PCDH15: variants seen among roughly 807,000 people sequenced by gnomAD.
PCDH15 encodes the protein protocadherin-15.
Under a neutral mutation model 178.5 loss-of-function variants are expected in PCDH15, and 129 were observed. The ratio of observed to expected loss-of-function variants is 0.72; its 90% confidence interval spans 0.63 to 0.84. The LOEUF (loss-of-function observed/expected upper bound fraction) is 0.84. PCDH15 is among the 40% of genes least tolerant of loss of function. PCDH15 has a pLI of 0.00. For missense variants in PCDH15, 2,230 were observed against 2,099.9 expected, an observed-to-expected ratio of 1.06 and a Z score of -1.21; for synonymous variants, 800 against 732.0, an observed-to-expected ratio of 1.09 and a Z score of -1.50.
intron 3 of PCDH15, among the ~76,000 whole-genome samples, chr10:54,825,102 C>T (rs1811813122): frequency 6.6e-6 from 1 of 151,964 alleles, no homozygotes; most frequent in Admixed American, 6.6e-5. Context: ...CAATTCCCAC[C>T]TATGAGTGAG....
At chr10:55,566,742 T>C (rs140394077) in intron 2 of PCDH15, among the ~76,000 whole-genome samples, 3 of 151,840 alleles carry the variant, frequency 2.0e-5, no homozygotes, top group African/African-American at 7.2e-5. Context: ...AAGACCTGTC[T>C]TATAAAAGCT....
intron 10 of PCDH15, among the ~76,000 whole-genome samples, chr10:54,206,788 T>C (rs2050842651): frequency 1.3e-5 from 2 of 152,090 alleles, no homozygotes; most frequent in Non-Finnish European, 2.9e-5. Context: ...CAATATGCTC[T>C]TTCATTGTTA....
At position 53,905,857 on chromosome 10, in the gene PCDH15, TATA is replaced by T. The variant is rs1442508282; in HGVS notation, c.3374-2490_3374-2488del. On this transcript the variant is annotated intron_variant, in intron 25 of 37. Transcript: ENST00000644397. ...ATGGGGAGAGATGATTATACTTAAT[TATA>T]ATATTTTAATTAAATGATATTTATT... 3.3e-5 allele frequency among the ~76,000 whole-genome samples: 5 copies of T among 151,956 alleles called. No homozygotes were observed. The East Asian group carries it at 7.7e-4, about 24-fold the overall frequency.
chr10:54,180,024 C>T (rs934700168), intron 13 of PCDH15, among the ~76,000 whole-genome samples: 8 of 152,246 alleles, frequency 5.3e-5, no homozygotes, highest in Admixed American at 3.3e-4. Flanking sequence ...TCAACCTATA[C>T]GATTGCATTG....
At chr10:54,378,264 A>C (rs188152868) in intron 4 of PCDH15, among the ~76,000 whole-genome samples, 2 of 152,208 alleles carry the variant, frequency 1.3e-5, no homozygotes, top group African/African-American at 4.8e-5. Context: ...AATTTATGCT[A>C]TCTGAGAACT....
chr10:54,844,722 A>T (rs1953475501), intron 3 of PCDH15, among the ~76,000 whole-genome samples: 1 of 152,024 alleles, frequency 6.6e-6, no homozygotes, highest in Admixed American at 6.6e-5. Flanking sequence ...AATAAAATTC[A>T]ATCTCACTGC....
chr10:55,207,864 G>A (rs2132166763), intron 1 of PCDH15, among the ~76,000 whole-genome samples: 1 of 152,212 alleles, frequency 6.6e-6, no homozygotes, highest in Non-Finnish European at 1.5e-5. Context: ...AGCTACTTGT[G>A]AGGCTGAGTC....
At chr10:55,495,949 T>A (rs78521994) in intron 2 of PCDH15, among the ~76,000 whole-genome samples, 1,879 of 152,048 alleles carry the variant, frequency 0.012, 18 homozygotes, top group East Asian at 0.04. Flanking sequence ...TCTATTTTTA[T>A]AAAATGTTTA....
At chr10:55,312,915 C>G (rs1429877889) in intron 1 of PCDH15, among the ~76,000 whole-genome samples, 1 of 152,066 alleles carries the variant, frequency 6.6e-6, no homozygotes, top group African/African-American at 2.4e-5. Context: ...CTGCGCCCTG[C>G]CAGGAATAGA....
intron 15 of PCDH15, among the ~76,000 whole-genome samples, chr10:54,117,739 T>C (rs932064790): frequency 1.3e-5 from 2 of 152,118 alleles, no homozygotes; most frequent in Non-Finnish European, 2.9e-5. Context: ...CCACAGTGGG[T>C]GGCTCCCTTC....
chr10:54,289,954 C>A (rs986401743), intron 8 of PCDH15, among the ~76,000 whole-genome samples: 1 of 152,074 alleles, frequency 6.6e-6, no homozygotes, highest in Non-Finnish European at 1.5e-5. Flanking sequence ...GAGAATGGAA[C>A]CAAGTTGGAA....
At chr10:55,130,909 T>C (rs943775881) in intron 2 of PCDH15, among the ~76,000 whole-genome samples, 5 of 152,078 alleles carry the variant, frequency 3.3e-5, no homozygotes, top group Non-Finnish European at 5.9e-5. Context: ...ATCTTACTTC[T>C]AAGTAAATAT....
At chr10:53,991,525 A>T (rs1257706674) in intron 21 of PCDH15, among the ~76,000 whole-genome samples, 12 of 151,746 alleles carry the variant, frequency 7.9e-5, no homozygotes, top group Admixed American at 7.9e-4. Context: ...AAGGTTTGTA[A>T]ACCCACCAAT....
intron 2 of PCDH15, among the ~76,000 whole-genome samples, chr10:55,491,968 C>CA (rs1840428776): frequency 6.6e-6 from 1 of 151,564 alleles, no homozygotes; most frequent in African/African-American, 2.4e-5. Flanking sequence ...GCAAGCCATA[C>CA]AAAAAAATCA....
intron 2 of PCDH15, among the ~76,000 whole-genome samples, chr10:55,133,309 C>G (rs1838103780): frequency 6.6e-6 from 1 of 151,870 alleles, no homozygotes; most frequent in Non-Finnish European, 1.5e-5. Context: ...CTATTAGTGA[C>G]TTTTGACATA....
chr10:54,722,595 T>C (rs1053307532), intron 1 of PCDH15, among the ~76,000 whole-genome samples: 3 of 114,058 alleles, frequency 2.6e-5, no homozygotes, highest in Non-Finnish European at 5.8e-5. Context: ...AAAAAAAAAA[T>C]GTCAAATTAT....
rs182112095 is a variant in PCDH15 at position 53,807,832 on chromosome 10, T to C, written c.4672-702A>G. On this transcript the variant is annotated intron_variant, in intron 37 of 37. Coordinates refer to ENST00000644397, the MANE Select transcript of PCDH15 (RefSeq NM_001384140.1). ...GAAAGCTAATTATTATACTAAACTT[T>C]CCTTTTGTAAGCAACTGGACATTTT... 9.7e-4 allele frequency among the ~76,000 whole-genome samples: 147 copies of C among 152,260 alleles called. 1 individual carries two copies. Among genetic ancestry groups the C allele is most frequent in the Middle Eastern group, 3.4e-3 (1 of 294 alleles).
intron 1 of PCDH15, among the ~76,000 whole-genome samples, chr10:54,793,375 C>T (rs1457045496): frequency 6.6e-6 from 1 of 151,702 alleles, no homozygotes; most frequent in Non-Finnish European, 1.5e-5. Context: ...CAGTATAAGT[C>T]TGGGTCTTAA....
At chr10:55,545,555 C>G (rs12264579) in intron 2 of PCDH15, among the ~76,000 whole-genome samples, 40,065 of 124,140 alleles carry the variant, frequency 0.32, 6,853 homozygotes, top group East Asian at 0.49. Flanking sequence ...GGATTACAGG[C>G]GCACGCTGCC....
Sources: gnomAD v4.1 joint callset for allele counts (sites outside exome capture counted in the v4.1 genomes callset) on GRCh38, gnomAD v4.1.1 for gene constraint, MANE v1.5 for transcripts, NCBI Gene and HGNC (gene_info 2026-07-23, HGNC 2026-07-21) for gene names.